Variants in NCK1 observed in about 807,000 individuals in gnomAD.
NCK1 encodes the protein SH2/SH3 adapter protein NCK1.
NCK1 carries 19 observed loss-of-function variants against 36.6 expected under a neutral mutation model. The observed-to-expected ratio is 0.52, with a 90% CI of 0.36 to 0.76. The LOEUF (loss-of-function observed/expected upper bound fraction) is 0.76, where lower values mean the gene tolerates loss of function less well. NCK1 is among the 30% of genes least tolerant of loss of function. The pLI is 0.00. For missense variants in NCK1, 358 were observed against 445.6 expected, an observed-to-expected ratio of 0.80 and a Z score of 1.77; for synonymous variants, 165 against 156.0, an observed-to-expected ratio of 1.06 and a Z score of -0.43.
intron 2 of NCK1, among the ~76,000 whole-genome samples, chr3:136,943,612 C>T (rs1940732480): frequency 6.6e-6 from 1 of 152,218 alleles, no homozygotes; most frequent in Admixed American, 6.5e-5. Flanking sequence ...TTTATTCATT[C>T]AGCATGTTTG....
intron 1 of NCK1, among the ~76,000 whole-genome samples, chr3:136,893,147 A>AGTGTGTGTGT (rs142883729): frequency 0.042 from 1,750 of 41,740 alleles, 272 homozygotes; most frequent in East Asian, 0.24. Context: ...AATATTCCAT[A>AGTGTGTGTGT]GTGTGTGTGT....
chr3:136,938,369 C>G (rs1940588879), intron 2 of NCK1, among the ~76,000 whole-genome samples: 1 of 151,970 alleles, frequency 6.6e-6, no homozygotes, highest in Non-Finnish European at 1.5e-5. Context: ...ATTTATAAGC[C>G]CAAAGTTGAT....
intron 1 of NCK1, among the ~76,000 whole-genome samples, chr3:136,866,312 CTTTT>C (rs35197703): frequency 7.0e-6 from 1 of 143,358 alleles, no homozygotes. Context: ...TTCTTTCTTT[CTTTT>C]TTTTTTTTTG....
chr3:136,901,598 A>G (rs939267849), intron 1 of NCK1, among the ~76,000 whole-genome samples: 8 of 152,084 alleles, frequency 5.3e-5, no homozygotes, highest in Admixed American at 3.9e-4. Flanking sequence ...TCCTGATTCA[A>G]TCTTGGTAGA....
intron 1 of NCK1, among the ~76,000 whole-genome samples, chr3:136,864,993 C>G (rs1248640223): frequency 6.6e-6 from 1 of 151,010 alleles, no homozygotes; most frequent in African/African-American, 2.4e-5. Context: ...GAGTCTCACT[C>G]TGTTGCCCAG....
intron 1 of NCK1, among the ~76,000 whole-genome samples, chr3:136,864,719 A>G (rs1560027322): frequency 1.3e-5 from 2 of 150,826 alleles, no homozygotes; most frequent in Non-Finnish European, 3.0e-5. Flanking sequence ...TAAAGAAAAG[A>G]GATACTTAGT....
rs369833744 is a variant in NCK1 at position 136,882,491 on chromosome 3, A to G, written c.-19+20138A>G. On this transcript the variant is annotated intron_variant, in intron 1 of 3. Transcript: ENST00000481752. ...AGATTTCTGCATTAATGATACAACA[A>G]TACCTCTTACTTGGCAGCATAATAC... Among the ~76,000 whole-genome samples the G allele has an allele frequency of 5.1e-4, 77 of 152,186 alleles. 1 individual carries two copies. The South Asian group carries it at 7.5e-3, about 15-fold the overall frequency.
At chr3:136,864,525 T>C (rs1938354728) in intron 1 of NCK1, among the ~76,000 whole-genome samples, 1 of 149,558 alleles carries the variant, frequency 6.7e-6, no homozygotes, top group Non-Finnish European at 1.5e-5. Flanking sequence ...AAAAAACCTA[T>C]GTGTAATGTT....
chr3:136,867,031 T>G, intron 1 of NCK1, among the ~76,000 whole-genome samples: 1 of 150,878 alleles, frequency 6.6e-6, no homozygotes, highest in Non-Finnish European at 1.5e-5. Flanking sequence ...GTTTTTCCTG[T>G]TCCCTATGTT....
intron 1 of NCK1, among the ~76,000 whole-genome samples, chr3:136,902,198 T>TGTTG (rs1939561251): frequency 2.3e-5 from 3 of 131,502 alleles, no homozygotes; most frequent in East Asian, 4.5e-4. Flanking sequence ...TTTTTTTTTT[T>TGTTG]TTTTGTTTTT....
intron 2 of NCK1, among the ~76,000 whole-genome samples, chr3:136,942,019 T>C (rs1344928025): frequency 6.6e-6 from 1 of 152,176 alleles, no homozygotes; most frequent in African/African-American, 2.4e-5. Flanking sequence ...TTTGTATTTT[T>C]AGTAGAGACG....
intron 2 of NCK1, among the ~76,000 whole-genome samples, chr3:136,928,955 A>G (rs1213694376): frequency 6.6e-6 from 1 of 152,106 alleles, no homozygotes; most frequent in Non-Finnish European, 1.5e-5. Flanking sequence ...TCAGGCAAAC[A>G]TGCTATTTGC....
intron 1 of NCK1, among the ~76,000 whole-genome samples, chr3:136,892,341 A>G (rs1454842751): frequency 6.6e-6 from 1 of 152,222 alleles, no homozygotes; most frequent in Non-Finnish European, 1.5e-5. Context: ...TATACAAAGT[A>G]TGTTAAAAAG....
At chr3:136,898,824 C>T (rs137935360) in intron 1 of NCK1, among the ~76,000 whole-genome samples, 1 of 152,210 alleles carries the variant, frequency 6.6e-6, no homozygotes, top group Non-Finnish European at 1.5e-5. Flanking sequence ...GTCAAACTGA[C>T]AGGAAAATAG....
intron 2 of NCK1, among the ~76,000 whole-genome samples, chr3:136,942,297 A>G (rs755560496): frequency 2.2e-4 from 33 of 152,336 alleles, no homozygotes; most frequent in Middle Eastern, 3.4e-3. Context: ...ATCAGATTCT[A>G]TCCCCTCCCC....
chr3:136,899,558 A>G, intron 1 of NCK1: 4 of 568,884 alleles, frequency 7.0e-6, no homozygotes, highest in East Asian at 7.3e-5. Context: ...TATTAGCACT[A>G]TTGCCATCAC....
chr3:136,867,180 C>CCTTCCT (rs1491006794), intron 1 of NCK1, among the ~76,000 whole-genome samples: 3 of 16,976 alleles, frequency 1.8e-4, no homozygotes, highest in Non-Finnish European at 4.3e-4. Flanking sequence ...TTCCTTCCTT[C>CCTTCCT]TTTCTTTCTT....
rs778603330 is a variant in NCK1, at chr3:136,951,593, C to T, written c.*3140C>T. Among the ~76,000 whole-genome samples, 9 of 152,056 alleles carry T rather than the reference C, an allele frequency of 5.9e-5. No homozygotes were observed. Among genetic ancestry groups the T allele is most frequent in the Non-Finnish European group, 2.9e-5 (2 of 67,996 alleles). On this transcript the variant is annotated 3_prime_UTR_variant, in exon 4 of 4. Transcript: ENST00000481752. ...CAAACAGTATAATAAAGTCTTCTTT[C>T]AAGTCAAAATATAGAGACGAATCTC...
At chr3:136,908,390 A>G (rs1939741910) in intron 1 of NCK1, among the ~76,000 whole-genome samples, 1 of 152,244 alleles carries the variant, frequency 6.6e-6, no homozygotes, top group Non-Finnish European at 1.5e-5. Flanking sequence ...GCCTTGTTCA[A>G]AAAATGAGGT....
Sources: gnomAD v4.1 joint callset for allele counts (sites outside exome capture counted in the v4.1 genomes callset) on GRCh38, gnomAD v4.1.1 for gene constraint, MANE v1.5 for transcripts, NCBI Gene and HGNC (gene_info 2026-07-23, HGNC 2026-07-21) for gene names.